UGT2A1: variants seen among roughly 807,000 people sequenced by gnomAD.
UGT2A1 encodes the protein UDP-glucuronosyltransferase 2A1.
In UGT2A1, 61 loss-of-function variants were observed where a neutral mutation model predicts 45.4. The observed-to-expected ratio is 1.34, with a 90% confidence interval of 1.09 to 1.66. The LOEUF is 1.66. Among genes scored for constraint, UGT2A1 ranks in the 40% most tolerant of loss-of-function variants. The pLI, the probability that UGT2A1 is intolerant of heterozygous loss-of-function variation, is 0.00. For missense variants in UGT2A1, 649 were observed against 574.3 expected, an observed-to-expected ratio of 1.13 and a Z score of -1.33; for synonymous variants, 229 against 196.2, an observed-to-expected ratio of 1.17 and a Z score of -1.40.
intron 3 of UGT2A1, among the ~76,000 whole-genome samples, chr4:69,631,225 G>T (rs1470261665): frequency 6.6e-6 from 1 of 152,054 alleles, no homozygotes; most frequent in African/African-American, 2.4e-5. Flanking sequence ...CTGTTTTAGT[G>T]AAATTAGTTA....
Position 69,605,071 on chromosome 4 carries a change from C to T in UGT2A1, c.848-5677G>A, listed in dbSNP as rs1424646384. Among the ~76,000 whole-genome samples, 2 of 136,616 alleles carry T rather than the reference C, an allele frequency of 1.5e-5. 1 individual carries two copies. The allele number at this position is 136,616 out of a possible 152,430, so 89.6% of individuals were successfully genotyped here. On this transcript the variant is annotated intron_variant, in intron 3 of 6. Coordinates refer to ENST00000286604, the MANE Select transcript of UGT2A1 (RefSeq NM_001252275.3). ...GAACTCAGCTCTGCACCAAGTAGACCTAATACACATCTACAGAATTATCCA... is the reference window on the plus strand; with the variant it reads ...GAACTCAGCTCTGCACCAAGTAGACTTAATACACATCTACAGAATTATCCA...
At chr4:69,617,455 C>T (rs1388647411) in intron 3 of UGT2A1, among the ~76,000 whole-genome samples, 1 of 151,722 alleles carries the variant, frequency 6.6e-6, no homozygotes, top group African/African-American at 2.4e-5. Flanking sequence ...TATTATAAAA[C>T]AAATTATGTG....
At position 69,588,790 on chromosome 4, in the gene UGT2A1, T is replaced by A. The variant is rs1361776280; in HGVS notation, c.*582A>T. On this transcript the variant is annotated 3_prime_UTR_variant, in exon 7 of 7. Transcript: ENST00000286604. ...TTTTCTAGATATGCTTAATGAAAAT[T>A]TTGTAGACATTTAATAGGGACGCAC... is the stretch of plus-strand genomic sequence containing the variant. The A allele has an allele frequency of 6.6e-6, 1 of 152,026 alleles. No individual in the cohort carries two copies. The highest frequency in any genetic ancestry group is 1.9e-4 in the East Asian group (1 of 5,172). The allele number at this position is 152,026 out of a possible 1,614,324, so 9.4% of individuals were successfully genotyped here. A position where few individuals can be genotyped will look rare whatever the true frequency, so the allele number is the denominator to read the frequency against.
chr4:69,624,751 C>T (rs987886448), intron 3 of UGT2A1, among the ~76,000 whole-genome samples: 1 of 151,286 alleles, frequency 6.6e-6, no homozygotes, highest in Non-Finnish European at 1.5e-5. Flanking sequence ...ATACAGTTTA[C>T]TTCTATGTAT....
At chr4:69,631,237 G>C (rs1263484937) in intron 3 of UGT2A1, among the ~76,000 whole-genome samples, 1 of 152,082 alleles carries the variant, frequency 6.6e-6, no homozygotes, top group Non-Finnish European at 1.5e-5. Context: ...AATTAGTTAA[G>C]TGGGCTTTGG....
At chr4:69,645,238 A>G (rs1560496882) in intron 2 of UGT2A1, among the ~76,000 whole-genome samples, 1 of 151,756 alleles carries the variant, frequency 6.6e-6, no homozygotes, top group Non-Finnish European at 1.5e-5. Flanking sequence ...CCGTATATCC[A>G]GCTGCTTACT....
rs977152675 is a variant in UGT2A1 at position 69,605,132 on chromosome 4, C to T, written c.848-5738G>A. On this transcript the variant is annotated intron_variant, in intron 3 of 6. Transcript: ENST00000286604. ...ACAGAATATACATTCTTCTCAGCAC[C>T]ACACCGCACTTATTCCAAAATTGAC... 5.8e-5 allele frequency among the ~76,000 whole-genome samples: 8 copies of T among 136,836 alleles called. 1 individual carries two copies. Among genetic ancestry groups the T allele is most frequent in the African/African-American group, 2.1e-4 (7 of 33,768 alleles). 89.8% of individuals were successfully genotyped at this position (136,836 alleles called of 152,430 possible).
intron 3 of UGT2A1, among the ~76,000 whole-genome samples, chr4:69,626,183 G>A (rs575677619): frequency 4.0e-5 from 6 of 150,558 alleles, no homozygotes; most frequent in African/African-American, 9.7e-5. Flanking sequence ...ATATTTGGAC[G>A]CTTTGATCTG....
At position 69,602,587 on chromosome 4, in the gene UGT2A1, G is replaced by A. The variant is rs544444794; in HGVS notation, c.848-3193C>T. 6.9e-4 allele frequency among the ~76,000 whole-genome samples: 95 copies of A among 137,130 alleles called. 26 individuals carry two copies. The highest frequency in any genetic ancestry group is 2.8e-3 in the African/African-American group (94 of 34,112). 90.0% of individuals were successfully genotyped at this position (137,130 alleles called of 152,430 possible). A position where few individuals can be genotyped will look rare whatever the true frequency, so the allele number is the denominator to read the frequency against. On this transcript the variant is annotated intron_variant, in intron 3 of 6. Coordinates refer to ENST00000286604, the MANE Select transcript of UGT2A1 (RefSeq NM_001252275.3). The stretch of plus-strand genomic sequence containing the variant: ...GAGGAAGAGAAGTTTTAATTTTGCT[G>A]AATGCAAAACTATAACATAGCAACT...
chr4:69,602,911 C>CA (rs1334278482), intron 3 of UGT2A1, among the ~76,000 whole-genome samples: 1 of 133,672 alleles, frequency 7.5e-6, no homozygotes, highest in Non-Finnish European at 1.6e-5. Flanking sequence ...ACTAAAAATA[C>CA]AAAAAAATTA....
rs967242649 is a variant in UGT2A1, at chr4:69,643,442, G to T, written c.715+3488C>A. The stretch of plus-strand genomic sequence containing the variant: ...ATTTTCTCATAATTTTAACATGTTT[G>T]ATATTTCCAAGTCTCAATATTCTTT... On this transcript the variant is annotated intron_variant, in intron 2 of 6. Coordinates refer to ENST00000286604, the MANE Select transcript of UGT2A1 (RefSeq NM_001252275.3). 2.0e-5 allele frequency among the ~76,000 whole-genome samples: 3 copies of T among 151,542 alleles called. No individual in the cohort carries two copies. The South Asian group carries it at 6.2e-4, about 31-fold the overall frequency.
At chr4:69,637,095 A>G (rs1441089540) in intron 2 of UGT2A1, among the ~76,000 whole-genome samples, 1 of 152,172 alleles carries the variant, frequency 6.6e-6, no homozygotes, top group Non-Finnish European at 1.5e-5. Flanking sequence ...AGACATACTC[A>G]TGTGAATTAT....
At chr4:69,597,690 C>G (rs1719014033) in intron 4 of UGT2A1, among the ~76,000 whole-genome samples, 1 of 151,502 alleles carries the variant, frequency 6.6e-6, no homozygotes, top group South Asian at 2.1e-4. Context: ...ATTTATTTTC[C>G]AAACAGATAT....
chr4:69,622,389 A>G (rs116413191), intron 3 of UGT2A1, among the ~76,000 whole-genome samples: 5,207 of 151,854 alleles, frequency 0.034, 289 homozygotes, highest in African/African-American at 0.12. Flanking sequence ...AATGGGAAAA[A>G]ATACGAATTA....
chr4:69,596,758 G>T (rs1718957355), intron 4 of UGT2A1, among the ~76,000 whole-genome samples: 1 of 152,174 alleles, frequency 6.6e-6, no homozygotes, highest in Admixed American at 6.5e-5. Flanking sequence ...CTGGCCTCCA[G>T]TGATCCACCT....
At chr4:69,593,830 G>C (rs1376863829) in intron 6 of UGT2A1, among the ~76,000 whole-genome samples, 2 of 151,418 alleles carry the variant, frequency 1.3e-5, no homozygotes, top group Admixed American at 1.3e-4. Flanking sequence ...TTTCAATTTT[G>C]TATTTACTGA....
At chr4:69,650,295 A>G (rs952472272) in intron 1 of UGT2A1, among the ~76,000 whole-genome samples, 4 of 152,144 alleles carry the variant, frequency 2.6e-5, no homozygotes, top group African/African-American at 4.8e-5. Context: ...GTAGAAGAGG[A>G]ATCCAGGAGA....
rs1722326462 is a variant in UGT2A1 at position 69,647,414 on chromosome 4, G to A, written c.231C>T (p.Pro77=). The A allele has an allele frequency of 6.2e-7, 1 of 1,612,700 alleles. No homozygotes were observed. Among genetic ancestry groups the A allele is most frequent in the Non-Finnish European group, 8.5e-7 (1 of 1,179,358 alleles). Residue 77 remains proline (P), a synonymous_variant, in exon 2 of 7, where the codon CCC becomes CCT. Coordinates refer to ENST00000286604, the MANE Select transcript of UGT2A1 (RefSeq NM_001252275.3). The stretch of plus-strand genomic sequence containing the variant: ...CTCCTTCTATTCTTTCTTTGCCAAA[G>A]GGCACCTTATATATTTCAAATGTCA... ...PSLTFEIYKV[P]FGKERIEGVI...
At chr4:69,622,876 G>A (rs1433802553) in intron 3 of UGT2A1, among the ~76,000 whole-genome samples, 1 of 151,772 alleles carries the variant, frequency 6.6e-6, no homozygotes, top group South Asian at 2.1e-4. Flanking sequence ...GACAAAAATT[G>A]CTAAAAATTC....
Sources: gnomAD v4.1 joint callset for allele counts (sites outside exome capture counted in the v4.1 genomes callset) on GRCh38, gnomAD v4.1.1 for gene constraint, MANE v1.5 for transcripts, NCBI Gene and HGNC (gene_info 2026-07-23, HGNC 2026-07-21) for gene names.